The following GPC6 variants were observed in gnomAD, a reference collection of about 807,000 sequenced individuals.
GPC6 encodes glypican 6, also known as glypican-6.
A neutral mutation model predicts 55.2 loss-of-function variants in GPC6; 14 were observed. That is an observed-to-expected ratio of 0.25 (90% CI 0.17 to 0.40). The LOEUF (loss-of-function observed/expected upper bound fraction) is 0.40. GPC6 is among the 10% of genes least tolerant of loss of function. The pLI is 1.00. For synonymous variants in GPC6, 278 were observed against 259.6 expected (o/e 1.07, Z -0.68); for missense variants, 641 against 708.5 (o/e 0.90, Z 1.08).
intron 1 of GPC6, among the ~76,000 whole-genome samples, chr13:93,330,340 C>T (rs1025102286): frequency 4.6e-5 from 7 of 152,006 alleles, no homozygotes; most frequent in African/African-American, 1.7e-4. Flanking sequence ...GCCTGGGTAG[C>T]ATGGCAAGAT....
chr13:94,258,710 C>G (rs902427029), intron 4 of GPC6, among the ~76,000 whole-genome samples: 1 of 152,204 alleles, frequency 6.6e-6, no homozygotes, highest in African/African-American at 2.4e-5. Context: ...TATGTCCATT[C>G]ACAGACACAG....
At chr13:93,431,134 T>G (rs189709110) in intron 1 of GPC6, among the ~76,000 whole-genome samples, 36 of 152,260 alleles carry the variant, frequency 2.4e-4, no homozygotes, top group African/African-American at 7.7e-4. Flanking sequence ...GCAGGCAGTA[T>G]TTTGACTCTC....
intron 2 of GPC6, among the ~76,000 whole-genome samples, chr13:93,613,714 G>A (rs1878591106): frequency 6.6e-6 from 1 of 152,090 alleles, no homozygotes; most frequent in South Asian, 2.1e-4. Context: ...CTCCATCTCA[G>A]AGTCCATAAG....
intron 6 of GPC6, among the ~76,000 whole-genome samples, chr13:94,321,041 T>TA (rs1463745703): frequency 2.0e-5 from 3 of 152,166 alleles, no homozygotes; most frequent in Non-Finnish European, 4.4e-5. Context: ...AGCTAATAGG[T>TA]AGTGTTTCTA....
intron 3 of GPC6, among the ~76,000 whole-genome samples, chr13:94,023,294 A>T (rs1289036921): frequency 1.3e-5 from 2 of 151,342 alleles, no homozygotes; most frequent in African/African-American, 2.4e-5. Flanking sequence ...AGACTTATCT[A>T]ATTTTTCAGA....
intron 2 of GPC6, among the ~76,000 whole-genome samples, chr13:93,722,156 T>C (rs1379191012): frequency 6.6e-6 from 1 of 151,796 alleles, no homozygotes; most frequent in Non-Finnish European, 1.5e-5. Context: ...GATTAAGGGA[T>C]AATATTAATG....
intron 3 of GPC6, among the ~76,000 whole-genome samples, chr13:93,930,071 C>G (rs937257939): frequency 1.3e-5 from 2 of 151,618 alleles, no homozygotes; most frequent in African/African-American, 4.9e-5. Context: ...AAAAAAATGC[C>G]AAGACAAAAC....
intron 1 of GPC6, among the ~76,000 whole-genome samples, chr13:93,280,478 T>G (rs1434777548): frequency 6.6e-6 from 1 of 152,238 alleles, no homozygotes; most frequent in African/African-American, 2.4e-5. Flanking sequence ...TTTCCTCACT[T>G]TAAGAAAAAT....
Position 93,490,756 on chromosome 13 carries a change from G to A in GPC6, c.161-54507G>A, listed in dbSNP as rs1175767867. Among the ~76,000 whole-genome samples the A allele has an allele frequency of 2.5e-5, 3 of 119,998 alleles. No individual in the cohort carries two copies. The Admixed American group carries it at 2.7e-4, about 11-fold the overall frequency. The allele number at this position is 119,998 out of a possible 152,430, so 78.7% of individuals were successfully genotyped here. Reference sequence around the variant, plus strand: ...GATTGTTCAATTCCCACCCATGAGTGAGAATATGCGGTGTTTGGTTTTTTG... The same window carrying A: ...GATTGTTCAATTCCCACCCATGAGTAAGAATATGCGGTGTTTGGTTTTTTG... On this transcript the variant is annotated intron_variant, in intron 1 of 8. Transcript: ENST00000377047.
rs1875806892 is a variant in GPC6 at position 93,395,367 on chromosome 13, A to G, written c.161-149896A>G. 9 of 390,260 alleles carry G rather than the reference A, an allele frequency of 2.3e-5. No homozygotes were observed. The South Asian group carries it at 2.6e-4, about 11-fold the overall frequency. The allele number at this position is 390,260 out of a possible 1,614,324, so 24.2% of individuals were successfully genotyped here. On this transcript the variant is annotated intron_variant, in intron 1 of 8. Transcript: ENST00000377047. ...CAGTTGTGTCCATTCACAGGATGGT[A>G]TTTCGGAATGACAATCTTATCCACA...
chr13:93,523,306 G>A (rs115363786), intron 1 of GPC6, among the ~76,000 whole-genome samples: 8,525 of 149,582 alleles, frequency 0.057, 795 homozygotes, highest in African/African-American at 0.2. Context: ...ACATATAAGG[G>A]TAATATTTAA....
chr13:94,170,314 A>G (rs984999072), intron 4 of GPC6, among the ~76,000 whole-genome samples: 14 of 152,162 alleles, frequency 9.2e-5, no homozygotes, highest in African/African-American at 3.4e-4. Context: ...TTCACCACTA[A>G]TTTCATTGAA....
chr13:93,417,580 G>T (rs919074310), intron 1 of GPC6, among the ~76,000 whole-genome samples: 14 of 152,176 alleles, frequency 9.2e-5, no homozygotes, highest in Admixed American at 2.6e-4. Flanking sequence ...AAAATGAGGT[G>T]GGGGAGAGGA....
At chr13:94,061,706 T>C (rs908396877) in intron 4 of GPC6, among the ~76,000 whole-genome samples, 1 of 151,764 alleles carries the variant, frequency 6.6e-6, no homozygotes, top group Admixed American at 6.6e-5. Flanking sequence ...CTGATGCCAT[T>C]ATCCCTCCTC....
intron 1 of GPC6, among the ~76,000 whole-genome samples, chr13:93,352,162 A>G (rs1880653622): frequency 6.6e-6 from 1 of 152,194 alleles, no homozygotes; most frequent in Non-Finnish European, 1.5e-5. Context: ...GATAGAAGTG[A>G]TGGTTGCACA....
At chr13:93,905,712 G>A (rs189999675) in intron 3 of GPC6, among the ~76,000 whole-genome samples, 43 of 152,270 alleles carry the variant, frequency 2.8e-4, no homozygotes, top group African/African-American at 7.0e-4. Context: ...GGGATTAGGT[G>A]AGAATAATCC....
chr13:93,281,027 C>A (rs1021808311), intron 1 of GPC6, among the ~76,000 whole-genome samples: 2 of 152,110 alleles, frequency 1.3e-5, no homozygotes, highest in Non-Finnish European at 2.9e-5. Flanking sequence ...GGGTTGGGGA[C>A]CCCTGTTTTA....
intron 3 of GPC6, among the ~76,000 whole-genome samples, chr13:94,014,932 T>G (rs1882400871): frequency 6.6e-6 from 1 of 152,224 alleles, no homozygotes; most frequent in African/African-American, 2.4e-5. Context: ...GTTTACTCAT[T>G]CATCATTTGG....
intron 2 of GPC6, among the ~76,000 whole-genome samples, chr13:93,648,950 A>C (rs1432820933): frequency 6.6e-6 from 1 of 152,190 alleles, no homozygotes; most frequent in South Asian, 2.1e-4. Flanking sequence ...ACATTCAATA[A>C]ATGATTTTTC....
Sources: gnomAD v4.1 joint callset for allele counts (sites outside exome capture counted in the v4.1 genomes callset) on GRCh38, gnomAD v4.1.1 for gene constraint, MANE v1.5 for transcripts, NCBI Gene and HGNC (gene_info 2026-07-23, HGNC 2026-07-21) for gene names.